BEAN1: variants seen among roughly 807,000 people sequenced by gnomAD.
BEAN1 encodes protein BEAN1.
In BEAN1, 17 loss-of-function variants were observed where a neutral mutation model predicts 17.7. The ratio of observed to expected loss-of-function variants is 0.96; its 90% CI spans 0.66 to 1.44. The LOEUF (loss-of-function observed/expected upper bound fraction) is 1.44, where lower values mean the gene tolerates loss of function less well. BEAN1 is among the 40% of genes most tolerant of loss of function. BEAN1 has a pLI of 0.00. For missense variants in BEAN1, 359 were observed against 374.1 expected (o/e 0.96, Z 0.33); for synonymous variants, 142 against 151.8 (o/e 0.94, Z 0.47).
chr16:66,475,010 C>A (rs1963678167), intron 3 of BEAN1, among the ~76,000 whole-genome samples: 2 of 152,172 alleles, frequency 1.3e-5, no homozygotes, highest in African/African-American at 4.8e-5. Context: ...AGTTCCTCTT[C>A]CTCCCTCTCC....
intron 2 of BEAN1, among the ~76,000 whole-genome samples, chr16:66,455,369 C>T (rs1472814292): frequency 6.6e-6 from 1 of 152,192 alleles, no homozygotes; most frequent in East Asian, 1.9e-4. Context: ...TCTCCCAAAT[C>T]TGAATCACAG....
In BEAN1 at chr16:66,469,924, G is replaced by A. The variant is rs1597028892; in HGVS notation, c.289+59G>A. 1.6e-5 allele frequency: 24 copies of A among 1,506,526 alleles called. 1 individual carries two copies. The South Asian group carries it at 2.0e-4, about 13-fold the overall frequency. The allele number at this position is 1,506,526 out of a possible 1,614,324, so 93.3% of individuals were successfully genotyped here. A position where few individuals can be genotyped will look rare whatever the true frequency, so the allele number is the denominator to read the frequency against. On this transcript the variant is annotated intron_variant, in intron 3 of 4. Coordinates refer to ENST00000536005, the MANE Select transcript of BEAN1 (RefSeq NM_001178020.3). ...TCATCTGACTGGGATTGCAACACAG[G>A]AGGCATCAAGGAGTTGGCAACTCTG...
intron 2 of BEAN1, among the ~76,000 whole-genome samples, chr16:66,453,724 T>A (rs1464292630): frequency 1.4e-5 from 2 of 144,644 alleles, no homozygotes; most frequent in Non-Finnish European, 3.0e-5. Flanking sequence ...TAGAAGCATG[T>A]AGTTTAATTT....
At chr16:66,462,022 G>C (rs1963106533) in intron 2 of BEAN1, among the ~76,000 whole-genome samples, 1 of 152,210 alleles carries the variant, frequency 6.6e-6, no homozygotes, top group African/African-American at 2.4e-5. Context: ...GTGCTGTGTT[G>C]AGAAGGATGC....
chr16:66,436,630 CAGTGGTGTG>C (rs1962036252), intron 1 of BEAN1, among the ~76,000 whole-genome samples: 1 of 151,196 alleles, frequency 6.6e-6, no homozygotes, highest in Non-Finnish European at 1.5e-5. Context: ...AGCTGGAGTG[CAGTGGTGTG>C]AACATGGCCC....
rs567295345 is a variant in BEAN1, at chr16:66,477,532, G to T, written c.290-28G>T. On this transcript the variant is annotated intron_variant, in intron 3 of 4. Transcript: ENST00000536005. Reference sequence around the variant, plus strand: ...GACCATCCCTGGATCCTGGTCTGAGGCCCAGGCCGGTGGTCTGTTCCCTGC... The same window carrying T: ...GACCATCCCTGGATCCTGGTCTGAGTCCCAGGCCGGTGGTCTGTTCCCTGC... 1.5e-5 allele frequency: 22 copies of T among 1,508,108 alleles called. No homozygotes were observed. In the Admixed American group the frequency reaches 1.5e-4, roughly 10 times the overall value. 93.4% of individuals were successfully genotyped at this position (1,508,108 alleles called of 1,614,324 possible).
At chr16:66,448,923 T>C (rs962609532) in intron 2 of BEAN1, among the ~76,000 whole-genome samples, 6 of 152,340 alleles carry the variant, frequency 3.9e-5, no homozygotes, top group African/African-American at 1.4e-4. Context: ...GGCAGGAGGA[T>C]TGCTAGTGTC....
intron 2 of BEAN1, among the ~76,000 whole-genome samples, chr16:66,441,923 A>G (rs1164581130): frequency 6.6e-6 from 1 of 152,090 alleles, no homozygotes; most frequent in African/African-American, 2.4e-5. Context: ...CAGGCATTTC[A>G]GCTCATCCCT....
At chr16:66,446,108 G>A (rs1387993789) in intron 2 of BEAN1, among the ~76,000 whole-genome samples, 2 of 152,168 alleles carry the variant, frequency 1.3e-5, no homozygotes, top group East Asian at 3.9e-4. Context: ...GCTTGAACCT[G>A]GGAGGCAGAG....
At chr16:66,487,388 T>G (rs373302404), downstream of BEAN1, among the ~76,000 whole-genome samples, 18 of 152,236 alleles carry the variant, frequency 1.2e-4, 1 homozygote, top group Middle Eastern at 6.8e-3. Context: ...GGCCTGGAAT[T>G]GTGGCCCAAG....
At chr16:66,462,630 T>A (rs1302334040) in intron 2 of BEAN1, among the ~76,000 whole-genome samples, 2 of 152,144 alleles carry the variant, frequency 1.3e-5, no homozygotes, top group Non-Finnish European at 2.9e-5. Context: ...GGTGAAGCCC[T>A]GTCTCTGCTA....
chr16:66,474,445 G>A (rs1436873678), intron 3 of BEAN1, among the ~76,000 whole-genome samples: 2 of 150,828 alleles, frequency 1.3e-5, no homozygotes, highest in African/African-American at 4.9e-5. Context: ...GGACAGAGTT[G>A]GCCCTCTGCC....
chr16:66,456,057 G>A (rs1245674886), intron 2 of BEAN1, among the ~76,000 whole-genome samples: 1 of 152,212 alleles, frequency 6.6e-6, no homozygotes, highest in African/African-American at 2.4e-5. Flanking sequence ...CCAACTCCAG[G>A]AAGCTCATTC....
exon 5 of BEAN1, chr16:66,493,193 G>C (rs1964200634): frequency 1.4e-6 from 1 of 702,896 alleles, no homozygotes; most frequent in Admixed American, 2.0e-5. Context: ...GCCGGGCACA[G>C]AGAAACTCGC....
chr16:66,460,667 A>G (rs887956123), intron 2 of BEAN1, among the ~76,000 whole-genome samples: 7 of 152,224 alleles, frequency 4.6e-5, no homozygotes, highest in African/African-American at 1.7e-4. Flanking sequence ...GGCTCTGGCT[A>G]TATATCAAGT....
At chr16:66,433,444 G>A (rs184027219) in intron 1 of BEAN1, among the ~76,000 whole-genome samples, 1 of 152,258 alleles carries the variant, frequency 6.6e-6, no homozygotes, top group Non-Finnish European at 1.5e-5. Flanking sequence ...ACCAGTGATG[G>A]CAGCCTCTGC....
chr16:66,456,832 G>A (rs990160227), intron 2 of BEAN1, among the ~76,000 whole-genome samples: 4 of 152,212 alleles, frequency 2.6e-5, no homozygotes, highest in East Asian at 1.9e-4. Context: ...GAATATGTGC[G>A]TTACTCTTAG....
intron 2 of BEAN1, among the ~76,000 whole-genome samples, chr16:66,442,904 T>G (rs1962313022): frequency 6.6e-6 from 1 of 152,068 alleles, no homozygotes; most frequent in African/African-American, 2.4e-5. Context: ...GAATTTGGGG[T>G]TCAGACCAGA....
chr16:66,469,766 C>A lies in BEAN1; in HGVS notation c.190C>A (p.Gln64Lys). The A allele has an allele frequency of 6.5e-7, 1 of 1,536,156 alleles. No individual in the cohort carries two copies. The highest frequency in any genetic ancestry group is 8.7e-7 in the Non-Finnish European group (1 of 1,146,904). The change falls in exon 3 of 5, where the codon CAG (glutamine) becomes AAG (lysine). Residue 64 changes from glutamine (Q) to lysine (K), a missense_variant. Transcript: ENST00000536005. ...TGTGGGCAGCATCCGCAGGGACAGG[C>A]AGGCCCGGCTTCAGCGGCACCGCCA... is the stretch of plus-strand genomic sequence containing the variant. Reference protein sequence around the residue: ...IIVGSIRRDRQARLQRHRHRH... With the variant: ...IIVGSIRRDRKARLQRHRHRH...
Sources: allele counts gnomAD v4.1 joint callset (sites outside exome capture counted in the v4.1 genomes callset), GRCh38; gene constraint gnomAD v4.1.1; transcripts MANE v1.5; gene names NCBI Gene and HGNC (gene_info 2026-07-23, HGNC 2026-07-21).